Variants in CAMK2D observed in about 807,000 individuals in gnomAD.
The protein encoded by CAMK2D is calcium/calmodulin-dependent protein kinase type II subunit delta.
In CAMK2D, 37 loss-of-function variants were observed where a neutral mutation model predicts 84.0. The observed-to-expected ratio is 0.44, with a 90% CI of 0.34 to 0.58. CAMK2D has a LOEUF of 0.58. Among genes scored for constraint, CAMK2D ranks in the 20% least tolerant of loss-of-function variants. CAMK2D has a pLI of 0.02. For missense variants in CAMK2D, 448 were observed against 652.5 expected, an observed-to-expected ratio of 0.69 and a Z score of 3.41; for synonymous variants, 202 against 212.5, an observed-to-expected ratio of 0.95 and a Z score of 0.43.
At chr4:113,492,434 C>G (rs1272969359) in intron 16 of CAMK2D, among the ~76,000 whole-genome samples, 1 of 152,168 alleles carries the variant, frequency 6.6e-6, no homozygotes, top group Non-Finnish European at 1.5e-5. Context: ...TGTTCAGTTT[C>G]CATGTAGTTG....
chr4:113,702,411 C>T (rs1042731327), intron 2 of CAMK2D, among the ~76,000 whole-genome samples: 1 of 152,068 alleles, frequency 6.6e-6, no homozygotes, highest in Non-Finnish European at 1.5e-5. Context: ...AAAAACAAGA[C>T]AGATATGGCC....
At chr4:113,705,384 G>A (rs908261054) in intron 2 of CAMK2D, among the ~76,000 whole-genome samples, 5 of 150,038 alleles carry the variant, frequency 3.3e-5, no homozygotes, top group African/African-American at 1.2e-4. Flanking sequence ...TACTTCAAAA[G>A]CTTGTTTAGA....
chr4:113,475,721 A>G (rs889123943), intron 16 of CAMK2D, among the ~76,000 whole-genome samples: 1 of 152,214 alleles, frequency 6.6e-6, no homozygotes, highest in African/African-American at 2.4e-5. Context: ...AACAAAGCAG[A>G]TCTTTTACTA....
At chr4:113,513,740 A>T in intron 11 of CAMK2D, 90 bp downstream of exon 11, 1 of 660,964 alleles carries the variant, frequency 1.5e-6, no homozygotes, top group South Asian at 1.9e-5. Flanking sequence ...ACATAATTGA[A>T]AGCCTTTGCT....
chr4:113,683,829 G>A (rs1029250897), intron 2 of CAMK2D, among the ~76,000 whole-genome samples: 7 of 152,140 alleles, frequency 4.6e-5, no homozygotes, highest in Non-Finnish European at 7.4e-5. Flanking sequence ...AGGAAATATC[G>A]GTTTTGATCA....
At chr4:113,581,529 A>AAAAAAAAAAAAAAAG (rs373642282) in intron 4 of CAMK2D, among the ~76,000 whole-genome samples, 8 of 121,876 alleles carry the variant, frequency 6.6e-5, no homozygotes, top group African/African-American at 2.6e-4. Context: ...AAAAAAAAAA[A>AAAAAAAAAAAAAAAG]AAAAGAAAAG....
chr4:113,471,101 G>C (rs916873), intron 16 of CAMK2D, among the ~76,000 whole-genome samples: 1 of 152,006 alleles, frequency 6.6e-6, no homozygotes, highest in East Asian at 1.9e-4. Flanking sequence ...ACTGATCATC[G>C]AACTCCTTTG....
intron 3 of CAMK2D, among the ~76,000 whole-genome samples, chr4:113,615,651 G>T (rs1222449412): frequency 6.6e-6 from 1 of 152,030 alleles, no homozygotes; most frequent in Non-Finnish European, 1.5e-5. Context: ...ATTAACTTGA[G>T]TACATTAGAA....
chr4:113,522,785 A>G (rs1430106913), intron 8 of CAMK2D, among the ~76,000 whole-genome samples: 1 of 152,246 alleles, frequency 6.6e-6, no homozygotes. Context: ...AATAAATTAT[A>G]AAGATAAATA....
chr4:113,542,153 C>G (rs1244276937), intron 6 of CAMK2D, among the ~76,000 whole-genome samples: 1 of 152,214 alleles, frequency 6.6e-6, no homozygotes, highest in Non-Finnish European at 1.5e-5. Context: ...GTGTAACTAA[C>G]TGCAGTGGGA....
At chr4:113,585,368 C>T (rs1229051111) in intron 4 of CAMK2D, among the ~76,000 whole-genome samples, 4 of 152,108 alleles carry the variant, frequency 2.6e-5, no homozygotes, top group African/African-American at 9.7e-5. Context: ...TGTCCTTCCC[C>T]AGCCTCATGT....
intron 2 of CAMK2D, among the ~76,000 whole-genome samples, chr4:113,701,381 C>T (rs893438385): frequency 1.3e-5 from 2 of 152,200 alleles, no homozygotes; most frequent in Non-Finnish European, 2.9e-5. Flanking sequence ...TAACAGCAGA[C>T]TCTGAGATGG....
At chr4:113,667,692 T>C (rs2099262923) in intron 2 of CAMK2D, among the ~76,000 whole-genome samples, 1 of 152,218 alleles carries the variant, frequency 6.6e-6, no homozygotes, top group East Asian at 1.9e-4. Context: ...TGTATATGAA[T>C]TTAAAGCTGT....
At chr4:113,576,597 T>C (rs892537615) in intron 4 of CAMK2D, among the ~76,000 whole-genome samples, 67 of 152,120 alleles carry the variant, frequency 4.4e-4, no homozygotes, top group African/African-American at 1.6e-3. Flanking sequence ...ACTCGTATGA[T>C]TATTAATCTT....
At chr4:113,704,229 T>G (rs987378148) in intron 2 of CAMK2D, among the ~76,000 whole-genome samples, 1 of 152,114 alleles carries the variant, frequency 6.6e-6, no homozygotes, top group African/African-American at 2.4e-5. Context: ...CTAACAAGCT[T>G]CTCAGATTTT....
At chr4:113,707,637 T>C (rs2099465018) in intron 2 of CAMK2D, among the ~76,000 whole-genome samples, 1 of 152,242 alleles carries the variant, frequency 6.6e-6, no homozygotes, top group African/African-American at 2.4e-5. Context: ...AATTTCTGCA[T>C]ATACTTTATC....
At chr4:113,696,571 G>A (rs1184082823) in intron 2 of CAMK2D, among the ~76,000 whole-genome samples, 2 of 152,142 alleles carry the variant, frequency 1.3e-5, no homozygotes, top group South Asian at 2.1e-4. Context: ...ATTGATAATA[G>A]CTATTAGGTA....
At chr4:113,466,192 G>A (rs1331902827) in intron 16 of CAMK2D, among the ~76,000 whole-genome samples, 1 of 151,910 alleles carries the variant, frequency 6.6e-6, no homozygotes, top group African/African-American at 2.4e-5. Flanking sequence ...GGGAGGTGGA[G>A]GTTGCAGTGA....
At chr4:113,634,593 C>G (rs1280184061) in intron 3 of CAMK2D, among the ~76,000 whole-genome samples, 1 of 152,158 alleles carries the variant, frequency 6.6e-6, no homozygotes, top group East Asian at 1.9e-4. Context: ...GCTGCTTTCA[C>G]AGAAATAAGA....
Sources: allele counts gnomAD v4.1 joint callset (sites outside exome capture counted in the v4.1 genomes callset), GRCh38; gene constraint gnomAD v4.1.1; transcripts MANE v1.5; gene names NCBI Gene and HGNC (gene_info 2026-07-23, HGNC 2026-07-21).